QTGAL: variants seen among roughly 807,000 people sequenced by gnomAD.
QTGAL encodes queuosine-tRNA galactosyltransferase.
chr17:83,020,228 G>C, the QTGAL span, among the ~76,000 whole-genome samples: 2 of 152,258 alleles, frequency 1.3e-5, no homozygotes, highest in African/African-American at 4.8e-5. Context: ...GCGATATAAA[G>C]TGTAAGAGGG....
the QTGAL span, among the ~76,000 whole-genome samples, chr17:83,044,479 A>C: frequency 6.6e-6 from 1 of 152,234 alleles, no homozygotes; most frequent in Non-Finnish European, 1.5e-5. Flanking sequence ...ATTAAAAGGA[A>C]ACCTCCTTAG....
chr17:83,032,399 C>T, the QTGAL span, among the ~76,000 whole-genome samples: 1 of 117,898 alleles, frequency 8.5e-6, no homozygotes, highest in Non-Finnish European at 1.8e-5. Context: ...GGGAGCTGAA[C>T]AACCAGGTCA....
At chr17:82,991,665 C>T in the QTGAL span, among the ~76,000 whole-genome samples, 1 of 152,256 alleles carries the variant, frequency 6.6e-6, no homozygotes, top group African/African-American at 2.4e-5. Flanking sequence ...GATGAACATC[C>T]ATAAGCATCA....
At chr17:83,006,294 G>A in the QTGAL span, 53 of 985,382 alleles carry the variant, frequency 5.4e-5, no homozygotes, top group African/African-American at 3.1e-4. The surrounding 1 kb of genome is among the most constrained non-coding windows in gnomAD (Gnocchi z 5.8). Flanking sequence ...TAGCGTTTAC[G>A]CGTAGTGAGT....
chr17:83,016,125 G>A, the QTGAL span, among the ~76,000 whole-genome samples: 4 of 152,038 alleles, frequency 2.6e-5, no homozygotes, highest in Non-Finnish European at 4.4e-5. Context: ...GTAAATTAAT[G>A]GATATTTATG....
the QTGAL span, among the ~76,000 whole-genome samples, chr17:83,045,284 G>A: frequency 5.3e-5 from 8 of 152,208 alleles, no homozygotes; most frequent in African/African-American, 1.4e-4. Context: ...GAATCCATAC[G>A]TTTATGGTTA....
chr17:82,985,159 G>T, the QTGAL span, among the ~76,000 whole-genome samples: 1 of 152,296 alleles, frequency 6.6e-6, no homozygotes, highest in East Asian at 1.9e-4. Flanking sequence ...TCACCTTTCG[G>T]TTTGTTTAGA....
At chr17:82,978,080 G>A in the QTGAL span, among the ~76,000 whole-genome samples, 3 of 152,060 alleles carry the variant, frequency 2.0e-5, no homozygotes, top group Non-Finnish European at 2.9e-5. This position sits in a 1 kb window ranked among gnomAD's most constrained non-coding sequence, Gnocchi z 4.8. Flanking sequence ...GTTGCTCCCC[G>A]AGTAATTCCG....
At chr17:82,942,472 C>A in the QTGAL span, 1 of 1,613,994 alleles carries the variant, frequency 6.2e-7, no homozygotes, top group Admixed American at 1.7e-5. Context: ...GAAGCCAGTC[C>A]TGGAGCCCAT....
the QTGAL span, among the ~76,000 whole-genome samples, chr17:82,952,324 C>T: frequency 6.6e-6 from 1 of 152,176 alleles, no homozygotes; most frequent in Non-Finnish European, 1.5e-5. Context: ...CCCAACAGTA[C>T]CGCTTGGGGC....
At chr17:83,046,270 C>T in the QTGAL span, among the ~76,000 whole-genome samples, 17 of 151,866 alleles carry the variant, frequency 1.1e-4, no homozygotes, top group Non-Finnish European at 1.5e-5. Flanking sequence ...GCTGAGATTA[C>T]AGGTGCATGC....
the QTGAL span, among the ~76,000 whole-genome samples, chr17:83,044,956 A>G: frequency 2.0e-5 from 3 of 152,140 alleles, no homozygotes; most frequent in Admixed American, 1.3e-4. Context: ...AAAAAAAAAA[A>G]AAGAAAGAAT....
At chr17:83,013,433 T>C in the QTGAL span, among the ~76,000 whole-genome samples, 2 of 84,292 alleles carry the variant, frequency 2.4e-5, no homozygotes, top group Admixed American at 1.4e-4. Context: ...CCACACCCTT[T>C]CCCCCCTCCC....
chr17:83,043,238 A>ACG, the QTGAL span, among the ~76,000 whole-genome samples: 4,397 of 152,282 alleles, frequency 0.029, 218 homozygotes, highest in African/African-American at 0.1. Context: ...AGGTGTGCAC[A>ACG]GCGCATTCTC....
the QTGAL span, among the ~76,000 whole-genome samples, chr17:83,022,234 T>C: frequency 0.58 from 83,249 of 144,672 alleles, 24,453 homozygotes; most frequent in East Asian, 0.7. Context: ...TCAAAAGACA[T>C]GGCCCCACGT....
At chr17:83,021,265 A>G in the QTGAL span, among the ~76,000 whole-genome samples, 1 of 152,218 alleles carries the variant, frequency 6.6e-6, no homozygotes, top group African/African-American at 2.4e-5. Flanking sequence ...ATTGGAATAG[A>G]CATTGGAGAG....
the QTGAL span, among the ~76,000 whole-genome samples, chr17:82,953,416 G>A: frequency 3.3e-5 from 5 of 152,088 alleles, no homozygotes; most frequent in African/African-American, 7.2e-5. Context: ...AAATCTAGAC[G>A]AAATGGATAA....
the QTGAL span, among the ~76,000 whole-genome samples, chr17:83,021,346 A>C: frequency 1.2e-4 from 19 of 152,348 alleles, no homozygotes; most frequent in African/African-American, 4.3e-4. Flanking sequence ...TGCAAAAAAA[A>C]AACTCTACTA....
At chr17:82,958,847 A>G in the QTGAL span, among the ~76,000 whole-genome samples, 1 of 70,398 alleles carries the variant, frequency 1.4e-5, no homozygotes, top group Non-Finnish European at 2.6e-5. Context: ...GTGTGTGTAC[A>G]CTGGGGGTGT....
Sources: allele counts gnomAD v4.1 joint callset (sites outside exome capture counted in the v4.1 genomes callset), GRCh38; gene constraint gnomAD v4.1.1; non-coding constraint Gnocchi (gnomAD v3.1); transcripts MANE v1.5; gene names NCBI Gene and HGNC (gene_info 2026-07-23, HGNC 2026-07-21).